Variants in HMGN3 observed in about 807,000 individuals in gnomAD.
The protein encoded by HMGN3 is high mobility group nucleosome-binding domain-containing protein 3.
A neutral mutation model predicts 18.8 loss-of-function variants in HMGN3; 6 were observed. The observed-to-expected ratio is 0.32, with a 90% CI of 0.18 to 0.63. The LOEUF is 0.63. HMGN3 is among the 30% of genes least tolerant of loss of function. The pLI is 0.79. For synonymous variants in HMGN3, 40 were observed against 36.5 expected, an observed-to-expected ratio of 1.10 and a Z score of -0.35; for missense variants, 107 against 114.2, an observed-to-expected ratio of 0.94 and a Z score of 0.29.
intron 1 of HMGN3, among the ~76,000 whole-genome samples, chr6:79,222,747 T>A (rs1777366259): frequency 6.6e-6 from 1 of 152,226 alleles, no homozygotes; most frequent in Admixed American, 6.5e-5. Flanking sequence ...AAATTTATTT[T>A]CCATATCCTC....
intron 2 of HMGN3, among the ~76,000 whole-genome samples, chr6:79,212,000 T>C (rs1776711587): frequency 6.7e-6 from 1 of 149,952 alleles, no homozygotes; most frequent in Admixed American, 6.7e-5. Context: ...AGCCTGACCA[T>C]GTACCTCCAA....
intron 3 of HMGN3, among the ~76,000 whole-genome samples, chr6:79,204,810 G>A (rs1776332451): frequency 6.6e-6 from 1 of 152,026 alleles, no homozygotes; most frequent in Admixed American, 6.5e-5. Context: ...GTTAAGAAAT[G>A]TTTTTATTAA....
At chr6:79,215,092 A>G (rs1373305610) in intron 1 of HMGN3, 70 bp from the exon 2 acceptor site, 2 of 929,188 alleles carry the variant, frequency 2.2e-6, no homozygotes, top group East Asian at 5.0e-5. Flanking sequence ...GTTTTTAAAA[A>G]GTTATCTCAT....
At chr6:79,225,090 G>C (rs1460507137) in intron 1 of HMGN3, among the ~76,000 whole-genome samples, 1 of 152,182 alleles carries the variant, frequency 6.6e-6, no homozygotes, top group Non-Finnish European at 1.5e-5. Context: ...TTCACATTTT[G>C]ATAACTTCGT....
intron 2 of HMGN3, among the ~76,000 whole-genome samples, chr6:79,208,781 G>T (rs906874918): frequency 2.6e-5 from 4 of 152,094 alleles, no homozygotes; most frequent in Admixed American, 2.0e-4. Flanking sequence ...TCTAAAAAGG[G>T]GTAGGTATAC....
intron 1 of HMGN3, among the ~76,000 whole-genome samples, chr6:79,230,565 A>T (rs1765661998): frequency 6.6e-6 from 1 of 152,178 alleles, no homozygotes; most frequent in South Asian, 2.1e-4. Flanking sequence ...TTTAAAAATT[A>T]CATCTCATTA....
chr6:79,224,010 A>G (rs1777437606), intron 1 of HMGN3, among the ~76,000 whole-genome samples: 1 of 152,232 alleles, frequency 6.6e-6, no homozygotes, highest in Non-Finnish European at 1.5e-5. Flanking sequence ...AAGGAAAAGG[A>G]GCACAGCAGA....
intron 1 of HMGN3, among the ~76,000 whole-genome samples, chr6:79,223,204 TC>T: frequency 6.6e-6 from 1 of 152,122 alleles, no homozygotes; most frequent in Admixed American, 6.6e-5. Flanking sequence ...CATGGCAAAA[TC>T]CGTCTCTACT....
At chr6:79,202,526 C>T in intron 4 of HMGN3, 137 bp from the exon 5 acceptor site, 2 of 705,152 alleles carry the variant, frequency 2.8e-6, no homozygotes. Context: ...GACACGGGAG[C>T]CTAATTTTGC....
At chr6:79,201,786 G>A in intron 5 of HMGN3, 60 bp from the exon 7 acceptor site, 1 of 1,578,288 alleles carries the variant, frequency 6.3e-7, no homozygotes, top group Non-Finnish European at 8.6e-7. Flanking sequence ...ATAAGCAAAG[G>A]AAATTCCACC....
At chr6:79,216,955 A>G (rs569545869) in intron 1 of HMGN3, among the ~76,000 whole-genome samples, 3 of 152,352 alleles carry the variant, frequency 2.0e-5, no homozygotes, top group Non-Finnish European at 2.9e-5. Flanking sequence ...CATAGCTATT[A>G]TAAGAAAAAC....
intron 2 of HMGN3, among the ~76,000 whole-genome samples, chr6:79,212,572 G>C (rs1776752036): frequency 6.6e-6 from 1 of 152,180 alleles, no homozygotes; most frequent in African/African-American, 2.4e-5. Flanking sequence ...TCTCATTTTA[G>C]AGTTACTATA....
intron 1 of HMGN3, among the ~76,000 whole-genome samples, chr6:79,225,737 G>A (rs980126882): frequency 1.3e-5 from 2 of 152,146 alleles, no homozygotes; most frequent in Admixed American, 1.3e-4. Context: ...CAATATTTAG[G>A]TGAGGAAACT....
At chr6:79,224,885 C>CA (rs1413808715) in intron 1 of HMGN3, among the ~76,000 whole-genome samples, 2 of 152,162 alleles carry the variant, frequency 1.3e-5, no homozygotes, top group Non-Finnish European at 2.9e-5. Flanking sequence ...ATGGTAAACA[C>CA]AGTTATGATG....
chr6:79,225,985 G>A (rs988512641), intron 1 of HMGN3, among the ~76,000 whole-genome samples: 14 of 152,270 alleles, frequency 9.2e-5, no homozygotes, highest in South Asian at 2.1e-4. Flanking sequence ...TCATGTTTAC[G>A]TAACTCTTGA....
chr6:79,214,346 C>T (rs1273322772), intron 2 of HMGN3, among the ~76,000 whole-genome samples: 1 of 151,814 alleles, frequency 6.6e-6, no homozygotes, highest in South Asian at 2.1e-4. Flanking sequence ...GGACTACAGG[C>T]GCCCACCACC....
intron 1 of HMGN3, among the ~76,000 whole-genome samples, chr6:79,230,499 T>C (rs1433900758): frequency 1.3e-5 from 2 of 152,242 alleles, no homozygotes; most frequent in African/African-American, 4.8e-5. Flanking sequence ...TGAGTGTCTA[T>C]ATCCCTCAGC....
exon 6 of HMGN3, chr6:79,201,507 A>G (rs1582392010): frequency 1.8e-6 from 1 of 554,140 alleles, no homozygotes; most frequent in East Asian, 2.8e-5. Flanking sequence ...ATTTTACTTG[A>G]GGATGATGTA....
At chr6:79,219,777 CT>C (rs1398785451) in intron 1 of HMGN3, among the ~76,000 whole-genome samples, 1 of 152,102 alleles carries the variant, frequency 6.6e-6, no homozygotes, top group Non-Finnish European at 1.5e-5. Flanking sequence ...ATTTCACAGA[CT>C]TTTTTGTACT....
Sources: gnomAD v4.1 joint callset for allele counts (sites outside exome capture counted in the v4.1 genomes callset) on GRCh38, gnomAD v4.1.1 for gene constraint, MANE v1.5 for transcripts, NCBI Gene and HGNC (gene_info 2026-07-23, HGNC 2026-07-21) for gene names.